The following SLC36A1 variants were observed in gnomAD, a reference collection of about 807,000 sequenced individuals.
The protein encoded by SLC36A1 is solute carrier family 36 member 1.
Under a neutral mutation model 47.5 loss-of-function variants are expected in SLC36A1, and 30 were observed. The observed-to-expected ratio is 0.63, with a 90% CI of 0.47 to 0.86. The LOEUF is 0.86. SLC36A1 is among the 40% of genes least tolerant of loss of function. The pLI is 0.00. For synonymous variants in SLC36A1, 255 were observed against 249.7 expected (o/e 1.02, Z -0.20); for missense variants, 517 against 606.0 (o/e 0.85, Z 1.54).
At chr5:151,423,257 CCGT>C in the SLC36A1 span, among the ~76,000 whole-genome samples, 4 of 152,296 alleles carry the variant, frequency 2.6e-5, no homozygotes, top group East Asian at 7.7e-4. Flanking sequence ...TATACTCTTA[CCGT>C]ATGATCTAGC....
At chr5:151,392,848 C>T in the SLC36A1 span, among the ~76,000 whole-genome samples, 3 of 151,950 alleles carry the variant, frequency 2.0e-5, no homozygotes, top group Admixed American at 6.6e-5. Context: ...GGAATAAGTG[C>T]GATGTGGTGC....
At chr5:151,521,370 C>T in the SLC36A1 span, 2 of 1,614,220 alleles carry the variant, frequency 1.2e-6, no homozygotes, top group Non-Finnish European at 1.7e-6. Flanking sequence ...GGTCCAGATG[C>T]ACTGTGTTAT....
chr5:151,398,700 T>G, the SLC36A1 span, among the ~76,000 whole-genome samples: 2 of 152,162 alleles, frequency 1.3e-5, no homozygotes, highest in Non-Finnish European at 2.9e-5. Context: ...AAAGGAAAAC[T>G]GTTTAAAAAG....
At chr5:151,527,868 G>C in the SLC36A1 span, 1 of 1,265,314 alleles carries the variant, frequency 7.9e-7, no homozygotes. Flanking sequence ...AAACAAGTGA[G>C]AGACATTCTG....
At chr5:151,539,971 A>G in the SLC36A1 span, among the ~76,000 whole-genome samples, 2 of 152,210 alleles carry the variant, frequency 1.3e-5, no homozygotes, top group Non-Finnish European at 2.9e-5. Context: ...AGATGTGAGG[A>G]GGTGCATATA....
chr5:151,418,759 G>A, the SLC36A1 span, among the ~76,000 whole-genome samples: 1 of 152,230 alleles, frequency 6.6e-6, no homozygotes, highest in Non-Finnish European at 1.5e-5. Flanking sequence ...TAAGACTTTG[G>A]GAGACTCTAG....
the SLC36A1 span, among the ~76,000 whole-genome samples, chr5:151,353,872 C>T: frequency 6.6e-6 from 1 of 152,132 alleles, no homozygotes; most frequent in Non-Finnish European, 1.5e-5. Context: ...AAGTTTTCTC[C>T]ATGTTTTTTT....
chr5:151,354,142 C>A, the SLC36A1 span, among the ~76,000 whole-genome samples: 42,500 of 151,836 alleles, frequency 0.28, 7,636 homozygotes, highest in African/African-American at 0.5. Context: ...CGTCTCTACT[C>A]AATATACAAA....
chr5:151,465,614 C>G (rs75201078), intron 5 of SLC36A1, among the ~76,000 whole-genome samples: 1 of 151,988 alleles, frequency 6.6e-6, no homozygotes, highest in Non-Finnish European at 1.5e-5. Context: ...GAAGAGAAGC[C>G]GGGGAACAAG....
the SLC36A1 span, among the ~76,000 whole-genome samples, chr5:151,360,178 A>T: frequency 6.6e-6 from 1 of 152,174 alleles, no homozygotes; most frequent in Non-Finnish European, 1.5e-5. Context: ...TAATGCAGGG[A>T]TTAGGAGCAC....
intron 9 of SLC36A1, among the ~76,000 whole-genome samples, chr5:151,478,789 G>T (rs1196831738): frequency 2.6e-5 from 4 of 151,918 alleles, no homozygotes; most frequent in African/African-American, 7.3e-5. Context: ...TTTAGTGTAT[G>T]ATTGTCATGT....
chr5:151,422,951 T>A, the SLC36A1 span, among the ~76,000 whole-genome samples: 1 of 151,722 alleles, frequency 6.6e-6, no homozygotes, highest in African/African-American at 2.4e-5. Flanking sequence ...CCCACTCCAC[T>A]CCCCACACAC....
the SLC36A1 span, among the ~76,000 whole-genome samples, chr5:151,552,649 G>A: frequency 1.3e-5 from 2 of 152,204 alleles, no homozygotes; most frequent in African/African-American, 2.4e-5. Context: ...GTGACCCCCA[G>A]ATGTTGAAAC....
At chr5:151,350,084 C>G in the SLC36A1 span, among the ~76,000 whole-genome samples, 3 of 152,090 alleles carry the variant, frequency 2.0e-5, no homozygotes, top group African/African-American at 7.2e-5. Flanking sequence ...AAAATGAAAC[C>G]CCTACCTGGA....
chr5:151,447,970 C>T (rs1434522286), intron 1 of SLC36A1, 157 bp downstream of exon 1: 2 of 152,420 alleles, frequency 1.3e-5, no homozygotes, highest in African/African-American at 2.4e-5. Flanking sequence ...GGGTTGGGAT[C>T]TCACCGTCCT....
At chr5:151,350,976 A>G in the SLC36A1 span, among the ~76,000 whole-genome samples, 9 of 152,248 alleles carry the variant, frequency 5.9e-5, no homozygotes, top group East Asian at 1.7e-3. Flanking sequence ...AATGTTTTTA[A>G]TGCTAACAAT....
At chr5:151,380,840 C>A in the SLC36A1 span, 1 of 464,678 alleles carries the variant, frequency 2.2e-6, no homozygotes. Flanking sequence ...AGACCCACTG[C>A]CTCCAGGACA....
the SLC36A1 span, chr5:151,537,937 T>G: frequency 6.2e-7 from 1 of 1,613,752 alleles, no homozygotes; most frequent in African/African-American, 1.3e-5. Context: ...ACCTTGCCAG[T>G]ATAGAGAAGC....
the SLC36A1 span, chr5:151,378,479 C>A: frequency 1.4e-5 from 3 of 213,796 alleles, no homozygotes; most frequent in South Asian, 1.7e-4. Flanking sequence ...TAAAGCTGTT[C>A]AAATTAGGGT....
Sources: gnomAD v4.1 joint callset for allele counts (sites outside exome capture counted in the v4.1 genomes callset) on GRCh38, gnomAD v4.1.1 for gene constraint, MANE v1.5 for transcripts, NCBI Gene and HGNC (gene_info 2026-07-23, HGNC 2026-07-21) for gene names.